Variants in TENM3 observed in about 807,000 individuals in gnomAD.
TENM3 encodes teneurin-3.
In TENM3, 63 loss-of-function variants were observed where a neutral mutation model predicts 255.1. That is an observed-to-expected ratio of 0.25 (90% CI 0.20 to 0.30). The LOEUF (loss-of-function observed/expected upper bound fraction) is 0.30, where lower values mean the gene tolerates loss of function less well. Ranked by LOEUF, TENM3 falls within the 10% of genes least tolerant of loss-of-function variation. The probability of loss-of-function intolerance (pLI) is 1.00; values close to 1 mark genes in which losing one functional copy is unlikely to be tolerated. For synonymous variants in TENM3, 1,306 were observed against 1,322.3 expected, an observed-to-expected ratio of 0.99 and a Z score of 0.27; for missense variants, 2,929 against 3,461.1, an observed-to-expected ratio of 0.85 and a Z score of 3.86.
chr4:182,251,027 C>T (rs1338676426), intron 1 of TENM3, among the ~76,000 whole-genome samples: 1 of 152,212 alleles, frequency 6.6e-6, no homozygotes. Context: ...AGAGCCTTTC[C>T]CACCAATCAG....
the TENM3 span, among the ~76,000 whole-genome samples, chr4:181,875,652 A>G: frequency 1.3e-5 from 2 of 152,088 alleles, no homozygotes; most frequent in African/African-American, 2.4e-5. Context: ...CTTTCCTGCC[A>G]TGTTTGATGG....
chr4:181,923,810 T>G, the TENM3 span, among the ~76,000 whole-genome samples: 1 of 152,138 alleles, frequency 6.6e-6, no homozygotes, highest in Non-Finnish European at 1.5e-5. Flanking sequence ...TCTTGTGTCA[T>G]TTTAAATAAT....
intron 2 of TENM3, among the ~76,000 whole-genome samples, chr4:182,335,487 T>A: frequency 1.9e-5 from 1 of 53,022 alleles, no homozygotes; most frequent in Admixed American, 2.9e-4. Context: ...AGAGCGAGAC[T>A]CCGCCTCAAA....
chr4:182,580,151 GTTTAA>G (rs1182290824), intron 3 of TENM3, among the ~76,000 whole-genome samples: 2 of 149,530 alleles, frequency 1.3e-5, no homozygotes, highest in African/African-American at 2.4e-5. Context: ...AGTCTAGGGA[GTTTAA>G]TTAAAGTAAG....
rs1053187647 is a variant in TENM3, at chr4:182,452,280, T to G, written c.511+105351T>G. 2.9e-5 allele frequency among the ~76,000 whole-genome samples: 4 copies of G among 137,380 alleles called. No individual in the cohort carries two copies. In the East Asian group the frequency reaches 8.7e-4, roughly 30 times the overall value. The allele number at this position is 137,380 out of a possible 152,430, so 90.1% of individuals were successfully genotyped here. A position where few individuals can be genotyped will look rare whatever the true frequency, so the allele number is the denominator to read the frequency against. On this transcript the variant is annotated intron_variant, in intron 3 of 27. Transcript: ENST00000511685. ...AGAATGGTTTGGTGAAGAAAGTAAA[T>G]AAATAAATTATTAGGAGCAGAAGTT...
chr4:182,625,338 C>T (rs1166176627), intron 4 of TENM3, among the ~76,000 whole-genome samples: 4 of 152,118 alleles, frequency 2.6e-5, no homozygotes, highest in Admixed American at 6.5e-5. Context: ...GCCTGAGCTC[C>T]GCCTCCTGTC....
At chr4:181,743,289 CCA>C in the TENM3 span, among the ~76,000 whole-genome samples, 40 of 152,312 alleles carry the variant, frequency 2.6e-4, no homozygotes, top group South Asian at 3.5e-3. Context: ...TACAGTCTCA[CCA>C]ACAGTGTAAA....
At chr4:182,669,830 A>G (rs1053217481) in intron 6 of TENM3, among the ~76,000 whole-genome samples, 6 of 152,188 alleles carry the variant, frequency 3.9e-5, no homozygotes, top group African/African-American at 1.2e-4. Flanking sequence ...TGATGCCATC[A>G]CTGACTTTGG....
In TENM3 at chr4:182,763,979, T is replaced by G. The variant is rs535664797; in HGVS notation, c.4892+8720T>G. 7.9e-5 allele frequency among the ~76,000 whole-genome samples: 12 copies of G among 152,332 alleles called. No homozygotes were observed. In the East Asian group the frequency reaches 1.9e-3, roughly 25 times the overall value. On this transcript the variant is annotated intron_variant, in intron 22 of 27. Transcript: ENST00000511685. ...AGATTTCTAGTTTTTTAACTTAATG[T>G]TTAAAGTGTACCCCATTCTCCTTAA...
intron 6 of TENM3, among the ~76,000 whole-genome samples, chr4:182,671,718 CAG>C (rs1178058951): frequency 6.6e-6 from 1 of 152,194 alleles, no homozygotes; most frequent in African/African-American, 2.4e-5. Context: ...AAAATGAACT[CAG>C]AGTTAAACTA....
At chr4:182,360,856 G>A (rs1247913423) in intron 3 of TENM3, among the ~76,000 whole-genome samples, 2 of 152,124 alleles carry the variant, frequency 1.3e-5, no homozygotes, top group East Asian at 1.9e-4. Context: ...GCAGTGGCTG[G>A]TACTAGTTGT....
At chr4:181,579,354 G>C in the TENM3 span, among the ~76,000 whole-genome samples, 1 of 152,114 alleles carries the variant, frequency 6.6e-6, no homozygotes, top group Non-Finnish European at 1.5e-5. Flanking sequence ...ATTGCCACCA[G>C]AGCGATCTTT....
At chr4:182,270,462 A>G (rs573541667) in intron 1 of TENM3, among the ~76,000 whole-genome samples, 2 of 152,268 alleles carry the variant, frequency 1.3e-5, no homozygotes, top group Middle Eastern at 3.4e-3. Flanking sequence ...TATGATTTCT[A>G]TTTTAACGTT....
chr4:182,478,399 A>G (rs1733881615), intron 3 of TENM3, among the ~76,000 whole-genome samples: 1 of 151,840 alleles, frequency 6.6e-6, no homozygotes, highest in Non-Finnish European at 1.5e-5. Flanking sequence ...CATTCTGCTT[A>G]TGTCATTCTT....
At chr4:182,325,185 A>G (rs1763313425) in intron 2 of TENM3, among the ~76,000 whole-genome samples, 1 of 152,242 alleles carries the variant, frequency 6.6e-6, no homozygotes, top group African/African-American at 2.4e-5. Flanking sequence ...AATAAAGAAT[A>G]TATTCATTCT....
intron 19 of TENM3, among the ~76,000 whole-genome samples, chr4:182,748,548 C>A (rs1189686201): frequency 6.6e-6 from 1 of 152,192 alleles, no homozygotes; most frequent in Non-Finnish European, 1.5e-5. Flanking sequence ...AATTAGGTGA[C>A]CTTGAATCCC....
chr4:182,000,484 GAT>G, the TENM3 span, among the ~76,000 whole-genome samples: 1 of 152,086 alleles, frequency 6.6e-6, no homozygotes, highest in Non-Finnish European at 1.5e-5. Flanking sequence ...GACTGCGTCT[GAT>G]ATTTATAGGA....
the TENM3 span, among the ~76,000 whole-genome samples, chr4:181,717,428 C>T: frequency 6.6e-6 from 1 of 152,110 alleles, no homozygotes; most frequent in African/African-American, 2.4e-5. Flanking sequence ...CCTGATGCTT[C>T]CATTTTCTAT....
chr4:181,929,506 A>G, the TENM3 span, among the ~76,000 whole-genome samples: 1 of 152,184 alleles, frequency 6.6e-6, no homozygotes, highest in African/African-American at 2.4e-5. Context: ...TATGCCCCCA[A>G]TACAGGAGCG....
Sources: gnomAD v4.1 joint callset for allele counts (sites outside exome capture counted in the v4.1 genomes callset) on GRCh38, gnomAD v4.1.1 for gene constraint, MANE v1.5 for transcripts, NCBI Gene and HGNC (gene_info 2026-07-23, HGNC 2026-07-21) for gene names.